The following TMED3 variants were observed in gnomAD, a reference collection of about 807,000 sequenced individuals.
TMED3 encodes the protein transmembrane emp24 domain-containing protein 3.
A neutral mutation model predicts 15.0 loss-of-function variants in TMED3; 9 were observed. That is an observed-to-expected ratio of 0.60 (90% CI 0.36 to 1.04). TMED3 has a LOEUF of 1.04. Among genes scored for constraint, TMED3 ranks in the 50% least tolerant of loss-of-function variants. The pLI is 0.01. For missense variants in TMED3, 267 were observed against 278.9 expected (o/e 0.96, Z 0.30); for synonymous variants, 117 against 121.4 (o/e 0.96, Z 0.24).
At chr15:79,363,824 A>C (rs1156618957) in intron 2 of TMED3, among the ~76,000 whole-genome samples, 1 of 152,160 alleles carries the variant, frequency 6.6e-6, no homozygotes, top group Non-Finnish European at 1.5e-5. Context: ...CAACACTGAC[A>C]CCGGGATCGC....
chr15:79,383,067 A>C (rs943010017), intron 2 of TMED3: 1 of 1,524,882 alleles, frequency 6.6e-7, no homozygotes. Context: ...CCTCCTGTGC[A>C]TGCTCCACGG....
At chr15:79,354,845 CA>C (rs767067906) in intron 2 of TMED3, among the ~76,000 whole-genome samples, 2 of 152,138 alleles carry the variant, frequency 1.3e-5, no homozygotes, top group Non-Finnish European at 2.9e-5. Flanking sequence ...TCTGCCCCCC[CA>C]TTCCGTTTTT....
rs2058770457 is a variant in TMED3, at chr15:79,322,162, TGAAAAGC to T, written c.603_609del (p.Leu201PhefsTer22). On this transcript the variant is annotated frameshift_variant, in exon 3 of 3. Coordinates refer to ENST00000299705, the MANE Select transcript of TMED3 (RefSeq NM_007364.4). LOFTEE classifies it high-confidence loss of function. ...GTCAGCTTCAGTCAGGTGCTACTGT[TGAAAAGC>T]TTCTTCACAGAAAAACGACCCATCA... is the stretch of plus-strand genomic sequence containing the variant. The T allele has an allele frequency of 6.2e-7, 1 of 1,614,168 alleles. No homozygotes were observed. Among genetic ancestry groups the T allele is most frequent in the Non-Finnish European group, 8.5e-7 (1 of 1,180,026 alleles).
downstream of TMED3, among the ~76,000 whole-genome samples, chr15:79,324,227 G>A (rs971741808): frequency 6.6e-5 from 10 of 152,138 alleles, no homozygotes; most frequent in African/African-American, 2.2e-4. Context: ...TCCTGACCTC[G>A]TGATCCGCCC....
chr15:79,353,238 TATATATACTATATATAATATATA>T (rs1482979717), intron 2 of TMED3, among the ~76,000 whole-genome samples: 36 of 66,198 alleles, frequency 5.4e-4, no homozygotes, highest in East Asian at 8.1e-4. Context: ...ATATATAAAA[TATATATACTATATATAATATATA>T]TTATATATAA....
chr15:79,407,802 C>T (rs978157457), intron 2 of TMED3, among the ~76,000 whole-genome samples: 8 of 152,298 alleles, frequency 5.3e-5, no homozygotes, highest in Non-Finnish European at 1.2e-4. Flanking sequence ...CTCACGCCTG[C>T]TTTGCCCGAG....
At chr15:79,408,399 T>A (rs1395933) in intron 2 of TMED3, among the ~76,000 whole-genome samples, 133,107 of 152,110 alleles carry the variant, frequency 0.88, 58,659 homozygotes, top group South Asian at 0.94. Flanking sequence ...AGTGCTGAGT[T>A]GCAGTTTTGA....
At chr15:79,327,059 A>G (rs2058789989), downstream of TMED3, among the ~76,000 whole-genome samples, 1 of 152,120 alleles carries the variant, frequency 6.6e-6, no homozygotes. Flanking sequence ...GTGGGAACTA[A>G]TAGAGTAAGA....
intron 2 of TMED3, among the ~76,000 whole-genome samples, chr15:79,373,696 A>C (rs1688145043): frequency 6.6e-6 from 1 of 152,194 alleles, no homozygotes; most frequent in Non-Finnish European, 1.5e-5. Flanking sequence ...GCACAGTCTT[A>C]AGAGGTCCTG....
At chr15:79,315,914 C>G (rs751454583) in intron 2 of TMED3, 2 of 152,430 alleles carry the variant, frequency 1.3e-5, no homozygotes, top group Admixed American at 1.3e-4. Flanking sequence ...GTGGTCAGAG[C>G]TGTAATTGAA....
chr15:79,326,201 G>A (rs995990439), downstream of TMED3, among the ~76,000 whole-genome samples: 1 of 152,150 alleles, frequency 6.6e-6, no homozygotes, highest in Non-Finnish European at 1.5e-5. Context: ...AAAACAGCTC[G>A]AAGACACTGA....
chr15:79,322,063 A>G lies in TMED3; in HGVS notation c.503A>G (p.Asp168Gly). The change falls in exon 3 of 3, where the codon GAC becomes GGC. Residue 168 changes from aspartate to glycine, a missense_variant. Coordinates refer to ENST00000299705, the MANE Select transcript of TMED3 (RefSeq NM_007364.4). ...CATTACCGGCTGCGGGAGGCCCAGG[A>G]CCGGGCCCGAGCAGAAGACCTTAAT... ...QTHYRLREAQ[D>G]RARAEDLNSR... 6.2e-7 allele frequency: 1 copy of G among 1,614,130 alleles called. No individual in the cohort carries two copies. Among genetic ancestry groups the G allele is most frequent in the Non-Finnish European group, 8.5e-7 (1 of 1,180,024 alleles).
chr15:79,324,516 A>C (rs2058780560), downstream of TMED3, among the ~76,000 whole-genome samples: 1 of 152,226 alleles, frequency 6.6e-6, no homozygotes, highest in Non-Finnish European at 1.5e-5. Context: ...ATGGGTATCA[A>C]ATCGTCTTAG....
intron 2 of TMED3, among the ~76,000 whole-genome samples, chr15:79,317,429 T>C (rs1318288207): frequency 1.3e-5 from 2 of 152,230 alleles, no homozygotes; most frequent in African/African-American, 2.4e-5. Context: ...GGCCAGGGCC[T>C]ACGGTCCAAG....
chr15:79,367,007 C>T (rs1374969611), intron 2 of TMED3, among the ~76,000 whole-genome samples: 1 of 152,116 alleles, frequency 6.6e-6, no homozygotes. Flanking sequence ...TTTCAAAAAG[C>T]ACAGCACAAT....
chr15:79,336,320 G>A (rs1331343806), intron 2 of TMED3, among the ~76,000 whole-genome samples: 3 of 152,192 alleles, frequency 2.0e-5, no homozygotes. Flanking sequence ...CCACTGGCTG[G>A]CTAGTGGAGC....
intron 2 of TMED3, among the ~76,000 whole-genome samples, chr15:79,375,331 A>G (rs1595904500): frequency 6.6e-6 from 1 of 152,036 alleles, no homozygotes; most frequent in South Asian, 2.1e-4. Context: ...GTGTTTACCT[A>G]TCTCTTTCTT....
intron 2 of TMED3, among the ~76,000 whole-genome samples, chr15:79,348,317 A>T (rs1052432754): frequency 4.6e-5 from 7 of 152,198 alleles, no homozygotes. Flanking sequence ...TATACTTTTT[A>T]AGCCAGCAAT....
chr15:79,406,804 G>A (rs4779079), intron 2 of TMED3, among the ~76,000 whole-genome samples: 60,937 of 152,082 alleles, frequency 0.4, 12,854 homozygotes, highest in Middle Eastern at 0.57. Flanking sequence ...GGGCATTACC[G>A]TCAATCTCTG....
Sources: gnomAD v4.1 joint callset for allele counts (sites outside exome capture counted in the v4.1 genomes callset) on GRCh38, gnomAD v4.1.1 for gene constraint, MANE v1.5 for transcripts, NCBI Gene and HGNC (gene_info 2026-07-23, HGNC 2026-07-21) for gene names.